Variants in PRKACB observed in about 807,000 individuals in gnomAD.
PRKACB encodes protein kinase cAMP-activated catalytic subunit beta.
PRKACB carries 16 observed loss-of-function variants against 51.4 expected under a neutral mutation model. The observed-to-expected ratio is 0.31, with a 90% CI of 0.21 to 0.47. PRKACB has a LOEUF of 0.47. Ranked by LOEUF, PRKACB falls within the 20% of genes least tolerant of loss-of-function variation. PRKACB has a pLI of 1.00. For synonymous variants in PRKACB, 147 were observed against 154.4 expected, an observed-to-expected ratio of 0.95 and a Z score of 0.35; for missense variants, 309 against 464.5, an observed-to-expected ratio of 0.67 and a Z score of 3.08.
chr1:84,200,287 T>G (rs1319043826), intron 7 of PRKACB, among the ~76,000 whole-genome samples: 1 of 152,154 alleles, frequency 6.6e-6, no homozygotes, highest in African/African-American at 2.4e-5. Context: ...TATGTCTTGT[T>G]TTAGAAAGTG....
Position 84,237,480 on chromosome 1 carries a change from A to T in PRKACB, c.*2175A>T, listed in dbSNP as rs970683959. Reference sequence around the variant, plus strand: ...AGTGCCCAGCTGTAGAATCTACCTTAGGTAGATGATCCCTAGACATACGTT... The same window carrying T: ...AGTGCCCAGCTGTAGAATCTACCTTTGGTAGATGATCCCTAGACATACGTT... On this transcript the variant is annotated 3_prime_UTR_variant, in exon 10 of 10. Coordinates refer to ENST00000370685, the MANE Select transcript of PRKACB (RefSeq NM_182948.4). The T allele has an allele frequency of 6.6e-6, 1 of 152,568 alleles. No individual in the cohort carries two copies. The highest frequency in any genetic ancestry group is 2.4e-5 in the African/African-American group (1 of 41,442). The allele number at this position is 152,568 out of a possible 1,614,324, so 9.5% of individuals were successfully genotyped here. A position where few individuals can be genotyped will look rare whatever the true frequency, so the allele number is the denominator to read the frequency against.
intron 1 of PRKACB, among the ~76,000 whole-genome samples, chr1:84,158,776 T>G (rs1175590396): frequency 6.6e-6 from 1 of 152,178 alleles, no homozygotes; most frequent in Admixed American, 6.6e-5. Flanking sequence ...CAATCTGTAC[T>G]TCCTTCTAAA....
Position 84,088,809 on chromosome 1 carries a change from A to G in PRKACB, c.46+10438A>G, listed in dbSNP as rs575847848. Among the ~76,000 whole-genome samples, 8 of 152,330 alleles carry G rather than the reference A, an allele frequency of 5.3e-5. No individual in the cohort carries two copies. In the South Asian group the frequency reaches 1.5e-3, roughly 28 times the overall value. On this transcript the variant is annotated intron_variant, in intron 1 of 8. Transcript: ENST00000370688. ...TGCTAGTCTGTAGATGCAAATAAAA[A>G]TAAGACTTGGTTCCTGTCCTTAAAT...
intron 1 of PRKACB, chr1:84,164,361 G>A: frequency 6.4e-7 from 1 of 1,558,126 alleles, no homozygotes; most frequent in Non-Finnish European, 8.7e-7. Flanking sequence ...TGGTGTAATT[G>A]AAAGACGTTT....
chr1:84,089,243 A>G (rs1395404158), intron 1 of PRKACB, among the ~76,000 whole-genome samples: 1 of 152,102 alleles, frequency 6.6e-6, no homozygotes, highest in Admixed American at 6.5e-5. Context: ...CCTTTCCTCC[A>G]TTGGCAGGAA....
intron 8 of PRKACB, chr1:84,205,106 T>C (rs1671133667): frequency 2.0e-6 from 2 of 982,356 alleles, no homozygotes; most frequent in Non-Finnish European, 2.4e-6. Flanking sequence ...TGGTGTACTT[T>C]TGTTTTTTAA....
chr1:84,164,652 T>C, intron 1 of PRKACB: 1 of 1,397,502 alleles, frequency 7.2e-7, no homozygotes. Flanking sequence ...GCTGATATAA[T>C]TGAGAACATC....
intron 1 of PRKACB, among the ~76,000 whole-genome samples, chr1:84,172,648 C>T (rs1659915516): frequency 6.6e-6 from 1 of 151,556 alleles, no homozygotes; most frequent in Non-Finnish European, 1.5e-5. Context: ...ATATATGTCT[C>T]ATTAAAAGTG....
Position 84,144,350 on chromosome 1 carries a change from A to G in PRKACB, c.-12A>G. Reference sequence around the variant, plus strand: ...TTTGCAGTTACATTAAGTAAAGTGTAAATGCACATGAATGGCAGCTTATAG... The same window carrying G: ...TTTGCAGTTACATTAAGTAAAGTGTGAATGCACATGAATGGCAGCTTATAG... On this transcript the variant is annotated 5_prime_UTR_variant, in exon 1 of 10. Transcript: ENST00000370685. The G allele has an allele frequency of 6.2e-7, 1 of 1,608,926 alleles. No homozygotes were observed. The highest frequency in any genetic ancestry group is 1.3e-5 in the African/African-American group (1 of 74,596).
intron 1 of PRKACB, among the ~76,000 whole-genome samples, chr1:84,109,776 A>G (rs1008502824): frequency 1.3e-5 from 2 of 151,932 alleles, no homozygotes; most frequent in African/African-American, 4.8e-5. Flanking sequence ...TAATTTTTAT[A>G]TTGGTAATTT....
chr1:84,194,349 A>G lies in PRKACB; in HGVS notation c.561-2267A>G, dbSNP rs190283483. Reference sequence around the variant, plus strand: ...GTTGATTGAAGGAATTCACACTGAGACACTTGCCTTATCTCATCTTTCACA... The same window carrying G: ...GTTGATTGAAGGAATTCACACTGAGGCACTTGCCTTATCTCATCTTTCACA... On this transcript the variant is annotated intron_variant, in intron 5 of 9. Transcript: ENST00000370685. Among the ~76,000 whole-genome samples the G allele has an allele frequency of 2.1e-3, 325 of 152,302 alleles. 2 individuals carry two copies. The highest frequency in any genetic ancestry group is 7.5e-3 in the African/African-American group (310 of 41,568).
At chr1:84,118,564 T>A (rs1404306827) in intron 1 of PRKACB, among the ~76,000 whole-genome samples, 1 of 151,944 alleles carries the variant, frequency 6.6e-6, no homozygotes, top group African/African-American at 2.4e-5. Flanking sequence ...GAAACAAATA[T>A]AAAACAGCCA....
At chr1:84,181,572 A>T in intron 2 of PRKACB, 2 of 795,590 alleles carry the variant, frequency 2.5e-6, no homozygotes, top group Non-Finnish European at 3.5e-6. Flanking sequence ...TTCTTTGTAG[A>T]ATGAGGAACT....
intron 9 of PRKACB, among the ~76,000 whole-genome samples, chr1:84,214,670 T>C (rs1672635459): frequency 6.6e-6 from 1 of 152,008 alleles, no homozygotes; most frequent in African/African-American, 2.4e-5. Flanking sequence ...TTTTTTTGTA[T>C]TTTTAGTAGA....
intron 1 of PRKACB, among the ~76,000 whole-genome samples, chr1:84,099,366 G>A (rs1649163151): frequency 8.1e-6 from 1 of 123,390 alleles, no homozygotes; most frequent in South Asian, 2.4e-4. Context: ...AGACATAGTA[G>A]TATGTTAGTT....
At chr1:84,210,064 G>A (rs1044054530) in intron 8 of PRKACB, among the ~76,000 whole-genome samples, 15 of 152,102 alleles carry the variant, frequency 9.9e-5, no homozygotes, top group African/African-American at 3.4e-4. Flanking sequence ...GACTCAAGAG[G>A]CCTTCTGTGG....
At chr1:84,124,709 G>A (rs1651410594) in intron 1 of PRKACB, among the ~76,000 whole-genome samples, 1 of 152,130 alleles carries the variant, frequency 6.6e-6, no homozygotes, top group African/African-American at 2.4e-5. Flanking sequence ...CCCATGCCCT[G>A]CACCATTTCT....
upstream of PRKACB, among the ~76,000 whole-genome samples, chr1:84,140,268 G>A (rs191604322): frequency 2.6e-5 from 4 of 152,158 alleles, no homozygotes; most frequent in South Asian, 4.2e-4. Context: ...ACAGTAAATG[G>A]ATATATAAAT....
At chr1:84,103,219 A>G (rs748325732) in intron 1 of PRKACB, among the ~76,000 whole-genome samples, 6 of 152,164 alleles carry the variant, frequency 3.9e-5, no homozygotes, top group Non-Finnish European at 8.8e-5. Context: ...GAAGCATAGC[A>G]TATTTCTTCA....
Sources: allele counts gnomAD v4.1 joint callset (sites outside exome capture counted in the v4.1 genomes callset), GRCh38; gene constraint gnomAD v4.1.1; transcripts MANE v1.5; gene names NCBI Gene and HGNC (gene_info 2026-07-23, HGNC 2026-07-21).